Variants in PLPPR1 observed in about 807,000 individuals in gnomAD.
PLPPR1 encodes the protein phospholipid phosphatase-related protein type 1.
In PLPPR1, 10 loss-of-function variants were observed where a neutral mutation model predicts 33.1. The ratio of observed to expected loss-of-function variants is 0.30; its 90% confidence interval spans 0.19 to 0.51. The LOEUF (loss-of-function observed/expected upper bound fraction) is 0.51, where lower values mean the gene tolerates loss of function less well. Ranked by LOEUF, PLPPR1 falls within the 20% of genes least tolerant of loss-of-function variation. PLPPR1 has a pLI of 0.97. For synonymous variants in PLPPR1, 151 were observed against 151.0 expected (o/e 1.00, Z 0.00); for missense variants, 304 against 408.1 (o/e 0.74, Z 2.20).
At chr9:101,038,704 C>G (rs1338905087) in intron 1 of PLPPR1, among the ~76,000 whole-genome samples, 1 of 152,112 alleles carries the variant, frequency 6.6e-6, no homozygotes, top group Non-Finnish European at 1.5e-5. Context: ...GGGAACTCCA[C>G]AAATACTAGC....
intron 2 of PLPPR1, among the ~76,000 whole-genome samples, chr9:101,190,551 G>C (rs1339079073): frequency 6.6e-6 from 1 of 152,198 alleles, no homozygotes; most frequent in South Asian, 2.1e-4. Context: ...GCAGAGTTTT[G>C]ACTTGGGGAT....
chr9:101,278,713 C>T (rs1828242459), intron 3 of PLPPR1, among the ~76,000 whole-genome samples: 1 of 152,106 alleles, frequency 6.6e-6, no homozygotes, highest in Admixed American at 6.5e-5. Flanking sequence ...AAACTGAGTC[C>T]CAGTCCTGGG....
rs1169692729 is a variant in PLPPR1 at position 101,312,957 on chromosome 9, G to A, written c.796G>A (p.Ala266Thr). The A allele has an allele frequency of 6.2e-7, 1 of 1,614,112 alleles. No homozygotes were observed. The highest frequency in any genetic ancestry group is 1.1e-5 in the South Asian group (1 of 91,080). The change falls in exon 6 of 8, where the codon GCA becomes ACA. Residue 266 changes from alanine to threonine, a missense_variant. By Grantham distance (58) the Ala-to-Thr change is moderately conservative (BLOSUM62 0). Transcript: ENST00000374874. ...DVIAGFILGT[A>T]VALFLGMCVV... ...GATTGCTGGTTTCATCCTGGGCACT[G>A]CAGTGGCCCTGTTTCTGGTAGGTTG...
At chr9:101,140,687 C>A (rs1428819702) in intron 1 of PLPPR1, among the ~76,000 whole-genome samples, 1 of 152,064 alleles carries the variant, frequency 6.6e-6, no homozygotes, top group Admixed American at 6.6e-5. Context: ...TAGTGTGGAG[C>A]AGAATAGGGA....
chr9:101,294,268 T>C (rs1828577034), intron 4 of PLPPR1, among the ~76,000 whole-genome samples: 2 of 151,904 alleles, frequency 1.3e-5, no homozygotes, highest in Non-Finnish European at 2.9e-5. Context: ...GTTGAATCTC[T>C]GAATAGACCA....
intron 2 of PLPPR1, among the ~76,000 whole-genome samples, chr9:101,260,797 G>A (rs73503589): frequency 1.1e-4 from 16 of 152,250 alleles, no homozygotes; most frequent in African/African-American, 3.6e-4. Context: ...GATCTCCCTA[G>A]AAGAGAACAT....
At chr9:101,323,312 T>C (rs1471297611) in intron 7 of PLPPR1, among the ~76,000 whole-genome samples, 1 of 151,336 alleles carries the variant, frequency 6.6e-6, no homozygotes, top group Non-Finnish European at 1.5e-5. Flanking sequence ...CTGGGCAACA[T>C]AGTGAGACAC....
intron 3 of PLPPR1, among the ~76,000 whole-genome samples, chr9:101,282,891 A>C (rs1231036495): frequency 1.3e-5 from 2 of 152,246 alleles, no homozygotes; most frequent in African/African-American, 4.8e-5. Flanking sequence ...TTGGAGTTGC[A>C]AAAGAATGGG....
At position 101,028,848 on chromosome 9, in the gene PLPPR1, A is replaced by T. The variant is rs998679482; in HGVS notation, c.-300A>T. The T allele has an allele frequency of 6.6e-6, 1 of 152,448 alleles. No individual in the cohort carries two copies. The highest frequency in any genetic ancestry group is 2.4e-5 in the African/African-American group (1 of 41,464). The allele number at this position is 152,448 out of a possible 1,614,324, so 9.4% of individuals were successfully genotyped here. On this transcript the variant is annotated 5_prime_UTR_variant, in exon 1 of 8. Coordinates refer to ENST00000374874, the MANE Select transcript of PLPPR1 (RefSeq NM_207299.2). ...GAGCGCGGGATGGGCGCCCAGCGGC[A>T]TCTGTGATCCCGCGCACCTCCGCCC...
intron 1 of PLPPR1, among the ~76,000 whole-genome samples, chr9:101,050,888 C>T (rs1485226290): frequency 6.6e-6 from 1 of 152,124 alleles, no homozygotes; most frequent in Non-Finnish European, 1.5e-5. Flanking sequence ...ATTGCCTCTG[C>T]ACATCTCCTT....
chr9:101,268,280 G>GA (rs369534800), intron 2 of PLPPR1, among the ~76,000 whole-genome samples: 3,254 of 144,020 alleles, frequency 0.023, 108 homozygotes, highest in African/African-American at 0.077. Flanking sequence ...TCTTTGATGT[G>GA]AAAAAAAAAA....
At chr9:101,163,351 A>T (rs1460943957) in intron 1 of PLPPR1, among the ~76,000 whole-genome samples, 1 of 152,190 alleles carries the variant, frequency 6.6e-6, no homozygotes, top group Non-Finnish European at 1.5e-5. Flanking sequence ...CATGTGCTAA[A>T]CAGTACACAC....
chr9:101,079,117 G>A (rs1830584588), intron 1 of PLPPR1, among the ~76,000 whole-genome samples: 2 of 152,160 alleles, frequency 1.3e-5, no homozygotes, highest in South Asian at 4.1e-4. Flanking sequence ...TACTTTCCAT[G>A]TTTTAAAGTA....
chr9:101,045,847 G>T (rs1197096816), intron 1 of PLPPR1, among the ~76,000 whole-genome samples: 4 of 152,250 alleles, frequency 2.6e-5, no homozygotes, highest in South Asian at 4.1e-4. Flanking sequence ...TACCACATAT[G>T]ATTGTTGTAA....
intron 1 of PLPPR1, among the ~76,000 whole-genome samples, chr9:101,127,842 A>G (rs1023255630): frequency 6.6e-6 from 1 of 152,186 alleles, no homozygotes; most frequent in African/African-American, 2.4e-5. Context: ...AGCTTCTCCC[A>G]ACACTCATCT....
intron 1 of PLPPR1, among the ~76,000 whole-genome samples, chr9:101,057,280 G>A (rs1830289554): frequency 1.3e-5 from 2 of 152,038 alleles, no homozygotes; most frequent in South Asian, 4.1e-4. Flanking sequence ...GATATATAAG[G>A]ATGAAAAACG....
intron 1 of PLPPR1, among the ~76,000 whole-genome samples, chr9:101,031,925 T>TA (rs1315761258): frequency 6.6e-6 from 1 of 152,152 alleles, no homozygotes; most frequent in Admixed American, 6.5e-5. Context: ...GTGAGTTTTT[T>TA]AGAGATATGC....
Position 101,181,586 on chromosome 9 carries a change from G to A in PLPPR1, c.-45-3864G>A, listed in dbSNP as rs1826110655. 2.7e-5 allele frequency among the ~76,000 whole-genome samples: 4 copies of A among 149,610 alleles called. No individual in the cohort carries two copies. The South Asian group carries it at 8.4e-4, about 31-fold the overall frequency. ...CCTAGGTGTCAATTATCAATGAATG[G>A]ATAAAGAAATTGGGTATATGTATGT... is the stretch of plus-strand genomic sequence containing the variant. On this transcript the variant is annotated intron_variant, in intron 1 of 7. Transcript: ENST00000374874.
intron 1 of PLPPR1, among the ~76,000 whole-genome samples, chr9:101,183,265 T>C (rs1190929508): frequency 6.6e-6 from 1 of 151,688 alleles, no homozygotes; most frequent in African/African-American, 2.4e-5. Flanking sequence ...TTCAAAACAA[T>C]CTAAATGTCT....
Sources: gnomAD v4.1 joint callset for allele counts (sites outside exome capture counted in the v4.1 genomes callset) on GRCh38, gnomAD v4.1.1 for gene constraint, MANE v1.5 for transcripts, NCBI Gene and HGNC (gene_info 2026-07-23, HGNC 2026-07-21) for gene names.